The following KDM3B variants were observed in gnomAD, a reference collection of about 807,000 sequenced individuals.
KDM3B encodes lysine-specific demethylase 3B.
Under a neutral mutation model 170.0 loss-of-function variants are expected in KDM3B, and 10 were observed. The observed-to-expected ratio is 0.06, with a 90% CI of 0.04 to 0.10. The LOEUF (loss-of-function observed/expected upper bound fraction) is 0.10, where lower values mean the gene tolerates loss of function less well. KDM3B is among the 10% of genes least tolerant of loss of function. KDM3B has a pLI of 1.00. For synonymous variants in KDM3B, 831 were observed against 834.8 expected, an observed-to-expected ratio of 1.00 and a Z score of 0.08; for missense variants, 1,394 against 2,195.2, an observed-to-expected ratio of 0.64 and a Z score of 7.29.
chr5:138,430,121 C>G, intron 21 of KDM3B, 128 bp from the exon 22 acceptor site: 2 of 1,356,084 alleles, frequency 1.5e-6, no homozygotes, highest in South Asian at 1.4e-5. Flanking sequence ...GAATCCACAC[C>G]TAGAGGATGT....
At chr5:138,375,277 T>A in intron 3 of KDM3B, 71 bp downstream of exon 3, 2 of 905,786 alleles carry the variant, frequency 2.2e-6, no homozygotes, top group South Asian at 3.1e-5. Flanking sequence ...GATATAAACA[T>A]AGGTGTTTCT....
intron 23 of KDM3B, among the ~76,000 whole-genome samples, chr5:138,432,800 A>G (rs1763567784): frequency 6.6e-6 from 1 of 151,702 alleles, no homozygotes; most frequent in Admixed American, 6.6e-5. Flanking sequence ...TTTGGAGTGC[A>G]GTGGCGTGAT....
chr5:138,432,054 T>G (rs1763545128), intron 23 of KDM3B, among the ~76,000 whole-genome samples: 1 of 152,238 alleles, frequency 6.6e-6, no homozygotes, highest in African/African-American at 2.4e-5. Context: ...TGTGAGCCAC[T>G]GCTTAACCTA....
chr5:138,354,306 A>G (rs750636948), intron 1 of KDM3B, among the ~76,000 whole-genome samples: 9 of 152,190 alleles, frequency 5.9e-5, no homozygotes, highest in Non-Finnish European at 1.0e-4. Context: ...AAGATACTAA[A>G]AATTTAAGGG....
chr5:138,411,709 T>C (rs989064812), intron 11 of KDM3B, among the ~76,000 whole-genome samples: 5 of 151,504 alleles, frequency 3.3e-5, no homozygotes, highest in African/African-American at 9.7e-5. Flanking sequence ...TAATTTTTTT[T>C]TTTTTTCTGA....
chr5:138,370,810 GT>G (rs754679989), intron 1 of KDM3B, among the ~76,000 whole-genome samples: 41 of 142,704 alleles, frequency 2.9e-4, no homozygotes, highest in East Asian at 4.1e-4. Context: ...ATGTGAGTTT[GT>G]TTTTTTTTTT....
intron 11 of KDM3B, among the ~76,000 whole-genome samples, chr5:138,413,382 C>CAA (rs1001856833): frequency 1.8e-5 from 2 of 113,538 alleles, no homozygotes; most frequent in East Asian, 5.1e-4. Context: ...GACTCCATCT[C>CAA]AAAAAAAAAA....
chr5:138,396,221 G>A (rs773078735), intron 9 of KDM3B, among the ~76,000 whole-genome samples: 67 of 151,886 alleles, frequency 4.4e-4, no homozygotes, highest in Admixed American at 1.4e-3. Flanking sequence ...TCAGCCTCCC[G>A]AGTAGCTGGG....
At chr5:138,353,403 C>T (rs955554349) in intron 1 of KDM3B, among the ~76,000 whole-genome samples, 1 of 152,254 alleles carries the variant, frequency 6.6e-6, no homozygotes, top group African/African-American at 2.4e-5. Context: ...AGACCTGCGC[C>T]CTGTTCCTTT....
At chr5:138,361,219 C>T (rs1252795986) in intron 1 of KDM3B, among the ~76,000 whole-genome samples, 3 of 152,284 alleles carry the variant, frequency 2.0e-5, no homozygotes, top group South Asian at 2.1e-4. Flanking sequence ...TGTACCATCC[C>T]TACTGCCCCT....
At chr5:138,434,303 A>T (rs2127012383) in intron 23 of KDM3B, among the ~76,000 whole-genome samples, 1 of 152,016 alleles carries the variant, frequency 6.6e-6, no homozygotes, top group South Asian at 2.1e-4. Context: ...TAATCCCAAC[A>T]CTTTGGGAGG....
chr5:138,414,996 C>T (rs1451749016), intron 11 of KDM3B, 136 bp from the exon 12 acceptor site: 3 of 490,864 alleles, frequency 6.1e-6, no homozygotes, highest in Non-Finnish European at 1.1e-5. Flanking sequence ...AAAGCAGGGG[C>T]TTTTTGTTTT....
intron 3 of KDM3B, among the ~76,000 whole-genome samples, chr5:138,375,968 C>T (rs751736877): frequency 3.3e-5 from 5 of 151,130 alleles, no homozygotes; most frequent in East Asian, 2.0e-4. Flanking sequence ...TGATCAACCA[C>T]GCCTGGCATT....
At chr5:138,409,986 C>A (rs1474718655) in intron 11 of KDM3B, among the ~76,000 whole-genome samples, 1 of 151,656 alleles carries the variant, frequency 6.6e-6, no homozygotes, top group Admixed American at 6.6e-5. Context: ...TCTCGGGAGG[C>A]TGAGGCAGGA....
intron 1 of KDM3B, among the ~76,000 whole-genome samples, chr5:138,367,784 G>T (rs1271800338): frequency 1.3e-5 from 2 of 152,160 alleles, no homozygotes; most frequent in Non-Finnish European, 2.9e-5. Context: ...GGAGGCCGAG[G>T]CAGGTGGATC....
At chr5:138,360,919 T>A (rs1761591671) in intron 1 of KDM3B, among the ~76,000 whole-genome samples, 1 of 152,184 alleles carries the variant, frequency 6.6e-6, no homozygotes, top group African/African-American at 2.4e-5. Context: ...TCTAAGGGAC[T>A]TGCTTCACTA....
Position 138,377,771 on chromosome 5 carries a change from G to A in KDM3B, c.526G>A (p.Glu176Lys). The A allele has an allele frequency of 3.1e-6, 5 of 1,614,052 alleles. No homozygotes were observed. Among genetic ancestry groups the A allele is most frequent in the Non-Finnish European group, 4.2e-6 (5 of 1,179,960 alleles). The change falls in exon 4 of 24, where the codon GAA becomes AAA. Residue 176 changes from glutamate to lysine, a missense_variant. Around this residue, in one of 19 missense-constraint regions of KDM3B, gnomAD observed 166 missense variants for 216.4 expected, o/e 0.77. Coordinates refer to ENST00000314358, the MANE Select transcript of KDM3B (RefSeq NM_016604.4). ...QILLEHAALR[E>K]TVNALISDQK... ...TCTTTTGGAACATGCTGCACTGAGA[G>A]AAACAGTTAATGCTTTGATCAGTGA...
At chr5:138,412,200 G>A (rs1283567859) in intron 11 of KDM3B, among the ~76,000 whole-genome samples, 2 of 151,534 alleles carry the variant, frequency 1.3e-5, no homozygotes, top group African/African-American at 4.8e-5. Flanking sequence ...GCTGGGCGTG[G>A]TGGCGGGCAC....
rs775382016 is a variant in KDM3B at position 138,392,208 on chromosome 5, A to G, written c.2576A>G (p.Lys859Arg). ...CGCAGTGCTGAGCTGTTGCTGGGCA[A>G]AAGCAAAGGGAAGCAGGCCCCCAAG... ...GERSAELLLG[K>R]SKGKQAPKGR... The change falls in exon 8 of 24, where the codon AAA (lysine) becomes AGA (arginine). Residue 859 changes from lysine to arginine, a missense_variant. Around this residue, in one of 19 missense-constraint regions of KDM3B, gnomAD observed 84 missense variants for 135.8 expected, o/e 0.62. Transcript: ENST00000314358. 1 of 1,510,186 alleles carries G rather than the reference A, an allele frequency of 6.6e-7. No homozygotes were observed. The highest frequency in any genetic ancestry group is 1.4e-5 in the South Asian group (1 of 73,852). 93.5% of individuals were successfully genotyped at this position (1,510,186 alleles called of 1,614,324 possible).
Sources: allele counts gnomAD v4.1 joint callset (sites outside exome capture counted in the v4.1 genomes callset), GRCh38; gene constraint gnomAD v4.1.1; regional missense constraint gnomAD v4.1.1; transcripts MANE v1.5; gene names NCBI Gene and HGNC (gene_info 2026-07-23, HGNC 2026-07-21).